TMEM67: variants seen among roughly 807,000 people sequenced by gnomAD.
TMEM67 encodes the protein meckelin.
In TMEM67, 124 loss-of-function variants were observed where a neutral mutation model predicts 136.6. The ratio of observed to expected loss-of-function variants is 0.91; its 90% CI spans 0.78 to 1.05. TMEM67 has a LOEUF of 1.05. Among genes scored for constraint, TMEM67 ranks in the 50% least tolerant of loss-of-function variants. The pLI is 0.00. For missense variants in TMEM67, 1,107 were observed against 1,178.4 expected (o/e 0.94, Z 0.89); for synonymous variants, 364 against 390.5 (o/e 0.93, Z 0.80).
At position 93,762,581 on chromosome 8, in the gene TMEM67, C is replaced by A. The variant is rs537934326; in HGVS notation, c.407-1261C>A. Among the ~76,000 whole-genome samples, 11 of 152,088 alleles carry A rather than the reference C, an allele frequency of 7.2e-5. No individual in the cohort carries two copies. The South Asian group carries it at 1.0e-3, about 14-fold the overall frequency. On this transcript the variant is annotated intron_variant, in intron 3 of 27. Coordinates refer to ENST00000453321, the MANE Select transcript of TMEM67 (RefSeq NM_153704.6). ...TTAAGCAATCTACTGCACCCAGCTT[C>A]TTAGTAGTTTCATTGGCACTGTTGC... is the stretch of plus-strand genomic sequence containing the variant.
intron 1 of TMEM67, 27 bp from the exon 2 acceptor site, chr8:93,755,751 C>CTTTTTTT (rs587779735): frequency 1.1e-4 from 70 of 633,104 alleles, no homozygotes; most frequent in South Asian, 2.9e-4. Flanking sequence ...ATAAAATTGG[C>CTTTTTTT]TTTTTTTTTT....
In TMEM67 at chr8:93,808,757, C is replaced by G. The variant is rs1808567556; in HGVS notation, c.2440-83C>G. On this transcript the variant is annotated intron_variant, in intron 23 of 27. Transcript: ENST00000453321. Reference sequence around the variant, plus strand: ...TGAATCTTGTAATATGTGATAACAGCTAAAAAAAAGTTCTGTATTTTCTTT... The same window carrying G: ...TGAATCTTGTAATATGTGATAACAGGTAAAAAAAAGTTCTGTATTTTCTTT... 8.4e-6 allele frequency: 7 copies of G among 836,848 alleles called. No individual in the cohort carries two copies. In the Admixed American group the frequency reaches 1.2e-4, roughly 15 times the overall value. 51.8% of individuals were successfully genotyped at this position (836,848 alleles called of 1,614,324 possible).
chr8:93,826,170 C>T, the TMEM67 span, among the ~76,000 whole-genome samples: 1 of 114,504 alleles, frequency 8.7e-6, no homozygotes, highest in African/African-American at 3.2e-5. Context: ...GTCTCTTTCA[C>T]CCAGGCCGGA....
rs1177227144 is a variant in TMEM67, at chr8:93,817,367, C to CA, written c.*921dup. 6 of 152,186 alleles carry CA rather than the reference C, an allele frequency of 3.9e-5. No homozygotes were observed. Among genetic ancestry groups the CA allele is most frequent in the Non-Finnish European group, 8.8e-5 (6 of 68,040 alleles). The allele number at this position is 152,186 out of a possible 1,614,324, so 9.4% of individuals were successfully genotyped here. ...GCCAACATGGAAAACCCCATCTCTA[C>CA]AAAAAATACAAAAATTAGTTGGATG... On this transcript the variant is annotated 3_prime_UTR_variant, in exon 28 of 28. Transcript: ENST00000453321.
At chr8:93,831,780 C>T in the TMEM67 span, among the ~76,000 whole-genome samples, 3 of 152,138 alleles carry the variant, frequency 2.0e-5, no homozygotes, top group Non-Finnish European at 4.4e-5. Context: ...GGCTTCTGTT[C>T]GTCAAGTCAC....
intron 26 of TMEM67, 74 bp from the exon 27 acceptor site, chr8:93,815,231 T>C: frequency 9.7e-7 from 1 of 1,035,070 alleles, no homozygotes; most frequent in East Asian, 2.6e-5. Flanking sequence ...ATCCAGATTT[T>C]GTCACCAGAA....
intron 22 of TMEM67, among the ~76,000 whole-genome samples, chr8:93,804,148 A>G (rs55979826): frequency 0.014 from 2,173 of 152,016 alleles, 60 homozygotes; most frequent in African/African-American, 0.047. Flanking sequence ...CTGGGATTAC[A>G]GGTGTGAGCC....
intron 6 of TMEM67, among the ~76,000 whole-genome samples, chr8:93,767,161 A>G (rs1352364772): frequency 3.3e-5 from 5 of 152,162 alleles, no homozygotes; most frequent in African/African-American, 1.2e-4. Context: ...AGTTTTGAAT[A>G]TTACAGGCCT....
At chr8:93,824,732 T>C in the TMEM67 span, among the ~76,000 whole-genome samples, 1 of 152,202 alleles carries the variant, frequency 6.6e-6, no homozygotes, top group African/African-American at 2.4e-5. Context: ...TTTGTTTGTT[T>C]TGAGATAGGG....
intron 16 of TMEM67, among the ~76,000 whole-genome samples, chr8:93,793,632 A>G (rs1232901610): frequency 3.9e-5 from 6 of 152,074 alleles, no homozygotes; most frequent in South Asian, 4.1e-4. Context: ...TGTACTCTTC[A>G]TATACATTTT....
At position 93,765,460 on chromosome 8, in the gene TMEM67, A is replaced by G. The variant is rs1428837627; in HGVS notation, c.561A>G (p.Ser187=). ...ATACCAGCAGGTCCTGTGCATGTTC[A>G]GAACCTAACATTTTAGTAAGGCTAA... is the stretch of plus-strand genomic sequence containing the variant. The part of the protein sequence containing the change: ...FVNTSRSCAC[S]EPNILTGGLC... Residue 187 remains serine (S), a synonymous_variant, in exon 5 of 28, where the codon TCA becomes TCG. Transcript: ENST00000453321. 5 of 1,611,994 alleles carry G rather than the reference A, an allele frequency of 3.1e-6. No individual in the cohort carries two copies. Among genetic ancestry groups the G allele is most frequent in the Non-Finnish European group, 4.2e-6 (5 of 1,179,738 alleles).
Position 93,763,948 on chromosome 8 carries a change from A to G in TMEM67, c.506+7A>G. The stretch of plus-strand genomic sequence containing the variant: ...TAAATGCTTTAGGAGACAGGTAAGC[A>G]GTGTGATGGGGGCTAACTTCATTAA... On this transcript the variant is annotated splice_region_variant and intron_variant, in intron 4 of 27. Coordinates refer to ENST00000453321, the MANE Select transcript of TMEM67 (RefSeq NM_153704.6). 6.4e-7 allele frequency: 1 copy of G among 1,552,352 alleles called. No individual in the cohort carries two copies. The highest frequency in any genetic ancestry group is 8.9e-7 in the Non-Finnish European group (1 of 1,123,922).
At chr8:93,809,193 G>C in intron 25 of TMEM67, 32 bp downstream of exon 25, 1 of 1,271,894 alleles carries the variant, frequency 7.9e-7, no homozygotes, top group South Asian at 1.2e-5. Context: ...TTTAAGCTGG[G>C]ATCAAATGCA....
intron 23 of TMEM67, among the ~76,000 whole-genome samples, chr8:93,807,870 A>T (rs1164391423): frequency 6.6e-6 from 1 of 151,956 alleles, no homozygotes; most frequent in African/African-American, 2.4e-5. Flanking sequence ...CATCAATCAA[A>T]TCAAAATTTT....
intron 15 of TMEM67, among the ~76,000 whole-genome samples, chr8:93,791,598 G>C (rs374062610): frequency 6.6e-6 from 1 of 152,046 alleles, no homozygotes; most frequent in Non-Finnish European, 1.5e-5. Flanking sequence ...GTCATATCTC[G>C]TTAGTGTTTT....
At chr8:93,820,759 G>C (rs560122690), downstream of TMEM67, among the ~76,000 whole-genome samples, 2 of 152,320 alleles carry the variant, frequency 1.3e-5, no homozygotes, top group East Asian at 3.9e-4. Flanking sequence ...AGTAATAGTA[G>C]TAGTAGTTCC....
In TMEM67 at chr8:93,804,854, G is replaced by T. The variant is rs759407364; in HGVS notation, c.2415G>T (p.Met805Ile). 1 of 1,590,606 alleles carries T rather than the reference G, an allele frequency of 6.3e-7. No homozygotes were observed. Among genetic ancestry groups the T allele is most frequent in the Non-Finnish European group, 8.6e-7 (1 of 1,159,032 alleles). Residue 805 changes from methionine to isoleucine, a missense_variant, in exon 23 of 28, where the codon ATG becomes ATT. This residue lies in a region of TMEM67 where 925 missense variants were observed against 1,002.4 expected (regional missense o/e 0.92). Coordinates refer to ENST00000453321, the MANE Select transcript of TMEM67 (RefSeq NM_153704.6). The stretch of plus-strand genomic sequence containing the variant: ...ATGCAGATACTAATATGGAAGAAAT[G>T]AATATGAACCTTAAAAGAGAAGCGG... ...HGHADTNMEE[M>I]NMNLKREAEN...
At chr8:93,773,684 G>A (rs1468007565) in intron 7 of TMEM67, among the ~76,000 whole-genome samples, 1 of 152,154 alleles carries the variant, frequency 6.6e-6, no homozygotes, top group African/African-American at 2.4e-5. Context: ...GGAAAACTGA[G>A]AAAGATGGTT....
Position 93,770,639 on chromosome 8 carries a change from T to C in TMEM67, c.652-1950T>C, listed in dbSNP as rs775001045. ...TGAAACATATTTTCGCAAGATATTA[T>C]ATAGATGTTGTATACAGCTCATTGC... is the stretch of plus-strand genomic sequence containing the variant. On this transcript the variant is annotated intron_variant, in intron 6 of 27. Transcript: ENST00000453321. 1.2e-4 allele frequency among the ~76,000 whole-genome samples: 18 copies of C among 152,204 alleles called. No homozygotes were observed. The South Asian group carries it at 1.2e-3, about 11-fold the overall frequency.
Sources: gnomAD v4.1 joint callset for allele counts (sites outside exome capture counted in the v4.1 genomes callset) on GRCh38, gnomAD v4.1.1 for gene constraint, gnomAD v4.1.1 regional missense constraint, MANE v1.5 for transcripts, NCBI Gene and HGNC (gene_info 2026-07-23, HGNC 2026-07-21) for gene names.